Variants in ANKS1B observed in about 807,000 individuals in gnomAD.
ANKS1B encodes ankyrin repeat and sterile alpha motif domain containing 1B.
In ANKS1B, 36 loss-of-function variants were observed where a neutral mutation model predicts 148.3. That is an observed-to-expected ratio of 0.24 (90% CI 0.19 to 0.32). The LOEUF (loss-of-function observed/expected upper bound fraction) is 0.32, where lower values mean the gene tolerates loss of function less well. Among genes scored for constraint, ANKS1B ranks in the 10% least tolerant of loss-of-function variants. The pLI, the probability that ANKS1B is intolerant of heterozygous loss-of-function variation, is 1.00. For synonymous variants in ANKS1B, 542 were observed against 560.8 expected (o/e 0.97, Z 0.47); for missense variants, 1,157 against 1,542.6 (o/e 0.75, Z 4.19).
chr12:99,368,362 C>A (rs569044339), intron 12 of ANKS1B, among the ~76,000 whole-genome samples: 3 of 151,380 alleles, frequency 2.0e-5, no homozygotes, highest in African/African-American at 7.3e-5. Context: ...TGCACATGTA[C>A]CCCATGAATC....
chr12:99,951,418 A>G (rs2153823134), intron 1 of ANKS1B, among the ~76,000 whole-genome samples: 1 of 152,198 alleles, frequency 6.6e-6, no homozygotes, highest in East Asian at 1.9e-4. Context: ...AAACCATCCT[A>G]AAACTCAGAG....
chr12:99,687,377 T>C (rs1324689621), intron 8 of ANKS1B, among the ~76,000 whole-genome samples: 1 of 152,172 alleles, frequency 6.6e-6, no homozygotes, highest in Non-Finnish European at 1.5e-5. Context: ...GGCTTAGAGT[T>C]TCCATCAAAT....
At chr12:99,681,924 G>T (rs1408607482) in intron 8 of ANKS1B, among the ~76,000 whole-genome samples, 1 of 152,284 alleles carries the variant, frequency 6.6e-6, no homozygotes, top group Non-Finnish European at 1.5e-5. Flanking sequence ...GGTGGAAAGA[G>T]ATATTCCATG....
intron 8 of ANKS1B, 137 bp from the exon 9 acceptor site, chr12:99,655,347 G>A (rs2098444883): frequency 4.4e-6 from 3 of 676,850 alleles, no homozygotes; most frequent in Non-Finnish European, 6.9e-6. Context: ...TTACATGGCT[G>A]TGCCCTGTGC....
At chr12:99,739,680 C>T (rs1473087219) in intron 8 of ANKS1B, among the ~76,000 whole-genome samples, 2 of 152,090 alleles carry the variant, frequency 1.3e-5, no homozygotes, top group Non-Finnish European at 2.9e-5. Context: ...ATGTCATCTC[C>T]GCCTCACTCA....
intron 9 of ANKS1B, among the ~76,000 whole-genome samples, chr12:99,590,476 T>A (rs2097691917): frequency 6.6e-6 from 1 of 152,144 alleles, no homozygotes; most frequent in Non-Finnish European, 1.5e-5. Context: ...ATCCTATTTC[T>A]CATGTCTGTC....
chr12:99,667,669 T>C (rs773110739), intron 8 of ANKS1B, among the ~76,000 whole-genome samples: 3 of 152,216 alleles, frequency 2.0e-5, no homozygotes, highest in Non-Finnish European at 2.9e-5. Flanking sequence ...TTCAACATTA[T>C]GAAGTATAAT....
intron 17 of ANKS1B, among the ~76,000 whole-genome samples, chr12:98,967,725 A>G (rs1341771971): frequency 6.7e-6 from 1 of 149,536 alleles, no homozygotes; most frequent in African/African-American, 2.5e-5. Context: ...GCCAATAAAA[A>G]GGTAGATTTT....
chr12:99,170,073 C>T (rs939078523), intron 14 of ANKS1B, among the ~76,000 whole-genome samples: 11 of 152,156 alleles, frequency 7.2e-5, no homozygotes, highest in African/African-American at 2.7e-4. Context: ...ATGTGAAAAG[C>T]CATGAGAAAA....
intron 9 of ANKS1B, among the ~76,000 whole-genome samples, chr12:99,548,933 A>G (rs894664432): frequency 1.4e-4 from 21 of 152,056 alleles, no homozygotes; most frequent in Non-Finnish European, 8.8e-5. Flanking sequence ...TTATGAAACC[A>G]AAATAGATAA....
At chr12:98,845,934 T>C (rs1489788554) in intron 17 of ANKS1B, among the ~76,000 whole-genome samples, 1 of 151,792 alleles carries the variant, frequency 6.6e-6, no homozygotes, top group Non-Finnish European at 1.5e-5. Flanking sequence ...ATACTTTTTT[T>C]TCTGTTGTTG....
intron 9 of ANKS1B, among the ~76,000 whole-genome samples, chr12:99,570,282 T>C (rs1406805188): frequency 6.6e-6 from 1 of 151,940 alleles, no homozygotes; most frequent in African/African-American, 2.4e-5. Flanking sequence ...ATGAGCTGTA[T>C]AGCAAATGAT....
chr12:99,490,723 A>T (rs1157510185), intron 10 of ANKS1B, among the ~76,000 whole-genome samples: 1 of 152,194 alleles, frequency 6.6e-6, no homozygotes, highest in Non-Finnish European at 1.5e-5. Flanking sequence ...ATACAGTGTG[A>T]CTGTATTGTA....
chr12:99,362,520 A>T (rs2152434119), intron 12 of ANKS1B, among the ~76,000 whole-genome samples: 1 of 152,136 alleles, frequency 6.6e-6, no homozygotes, highest in South Asian at 2.1e-4. Context: ...GAGATGAAAA[A>T]GTCCTTCAGG....
At chr12:99,868,559 T>C (rs1001743439) in intron 1 of ANKS1B, among the ~76,000 whole-genome samples, 6 of 151,912 alleles carry the variant, frequency 3.9e-5, no homozygotes, top group Non-Finnish European at 8.8e-5. Context: ...AAATAATCTA[T>C]GGATAAAGTA....
At chr12:99,536,886 T>C (rs2097074608) in intron 9 of ANKS1B, among the ~76,000 whole-genome samples, 2 of 152,072 alleles carry the variant, frequency 1.3e-5, no homozygotes, top group African/African-American at 2.4e-5. Context: ...CCATTAACCC[T>C]CCCCACCTTA....
intron 9 of ANKS1B, among the ~76,000 whole-genome samples, chr12:99,514,025 C>A (rs979351373): frequency 5.3e-5 from 8 of 151,980 alleles, no homozygotes; most frequent in Admixed American, 3.3e-4. Context: ...TGAATGATTT[C>A]ATTAAATACA....
intron 9 of ANKS1B, among the ~76,000 whole-genome samples, chr12:99,511,853 T>C (rs2096769326): frequency 6.6e-6 from 1 of 151,954 alleles, no homozygotes; most frequent in Non-Finnish European, 1.5e-5. Context: ...GAGAACTGAC[T>C]AGCCATATGC....
chr12:98,801,746 T>C lies in ANKS1B; in HGVS notation c.3142-621A>G, dbSNP rs1050686875. Among the ~76,000 whole-genome samples, 1 of 152,216 alleles carries C rather than the reference T, an allele frequency of 6.6e-6. No homozygotes were observed. The highest frequency in any genetic ancestry group is 1.5e-5 in the Non-Finnish European group (1 of 68,034). On this transcript the variant is annotated intron_variant, in intron 20 of 26. Transcript: ENST00000683438. The surrounding 1 kb of genome is among the most constrained non-coding windows in gnomAD (Gnocchi z 5.2). ...TTTCTCAGAAAACCTAACGTACCAA[T>C]GAAGACTAAACAGTGAAATGCCAAG...
Sources: allele counts gnomAD v4.1 joint callset (sites outside exome capture counted in the v4.1 genomes callset), GRCh38; gene constraint gnomAD v4.1.1; non-coding constraint Gnocchi (gnomAD v3.1); transcripts MANE v1.5; gene names NCBI Gene and HGNC (gene_info 2026-07-23, HGNC 2026-07-21).